Variants in CD74 observed in about 807,000 individuals in gnomAD.
CD74 encodes CD74 molecule.
In CD74, 20 loss-of-function variants were observed where a neutral mutation model predicts 37.1. The observed-to-expected ratio is 0.54, with a 90% CI of 0.38 to 0.78. The LOEUF is 0.78. Ranked by LOEUF, CD74 falls within the 30% of genes least tolerant of loss-of-function variation. CD74 has a pLI of 0.00. For synonymous variants in CD74, 150 were observed against 152.0 expected (o/e 0.99, Z 0.10); for missense variants, 338 against 389.5 (o/e 0.87, Z 1.11).
At chr5:150,409,704 C>CA (rs755621804) in intron 1 of CD74, among the ~76,000 whole-genome samples, 36,742 of 89,444 alleles carry the variant, frequency 0.41, 6,336 homozygotes, top group South Asian at 0.46. Flanking sequence ...AAAAACATAA[C>CA]AAAAAAAAAA....
chr5:150,406,094 A>C, intron 4 of CD74, 165 bp downstream of exon 4: 1 of 601,960 alleles, frequency 1.7e-6, no homozygotes, highest in Non-Finnish European at 3.0e-6. Context: ...TCAAAAATGC[A>C]GAGGCCAGAC....
At chr5:150,406,797 C>T in intron 3 of CD74, 84 bp downstream of exon 3, 3 of 965,584 alleles carry the variant, frequency 3.1e-6, no homozygotes, top group Non-Finnish European at 3.0e-6. Flanking sequence ...CAGGTGGGCT[C>T]TCTTCCCTGC....
chr5:150,410,446 T>A (rs753913708), intron 1 of CD74, among the ~76,000 whole-genome samples: 2 of 152,156 alleles, frequency 1.3e-5, no homozygotes, highest in Non-Finnish European at 2.9e-5. Flanking sequence ...CAAGGGCTGT[T>A]ACATTAAATA....
Position 150,407,294 on chromosome 5 carries a change from G to C in CD74, c.156C>G (p.Gly52=). The stretch of plus-strand genomic sequence containing the variant: ...GGAGCAGAGTCACCAGGATGGAAAA[G>C]CCTGTGTACAGGGCTCCGCGGCTGC... ...SKCSRGALYT[G]FSILVTLLLA... The change falls in exon 2 of 9, where the codon GGC becomes GGG. Residue 52 remains glycine, a synonymous_variant. Transcript: ENST00000009530. This position sits in a 1 kb window ranked among gnomAD's most constrained non-coding sequence, Gnocchi z 4.4. The C allele has an allele frequency of 6.2e-7, 1 of 1,612,240 alleles. No individual in the cohort carries two copies. The highest frequency in any genetic ancestry group is 8.5e-7 in the Non-Finnish European group (1 of 1,179,308).
chr5:150,404,878 C>A, intron 5 of CD74, 111 bp from the exon 6 acceptor site: 1 of 854,958 alleles, frequency 1.2e-6, no homozygotes, highest in African/African-American at 1.7e-5. Context: ...GGCCCCAACA[C>A]CCGGGTCCAG....
At chr5:150,404,869 GCC>G in intron 5 of CD74, 102 bp from the exon 6 acceptor site, 1 of 888,832 alleles carries the variant, frequency 1.1e-6, no homozygotes, top group Non-Finnish European at 1.8e-6. Context: ...GCCAAATAGG[GCC>G]CCAACACCCG....
intron 1 of CD74, 81 bp downstream of exon 1, chr5:150,412,544 C>T: frequency 4.7e-6 from 5 of 1,071,984 alleles, no homozygotes; most frequent in Non-Finnish European, 5.7e-6. Flanking sequence ...CCTGTGACTC[C>T]TGGCCGGTGC....
At chr5:150,406,025 C>A (rs1251581955) in intron 4 of CD74, 2 of 414,644 alleles carry the variant, frequency 4.8e-6, no homozygotes, top group Admixed American at 3.4e-5. Flanking sequence ...CCTGCCTAGG[C>A]CTCCCAAAGT....
Position 150,402,285 on chromosome 5 carries a change from ACCCATTTG to A in CD74, c.881-43_881-36del. 6.6e-7 allele frequency: 1 copy of A among 1,514,526 alleles called. No individual in the cohort carries two copies. The highest frequency in any genetic ancestry group is 1.2e-5 in the South Asian group (1 of 85,918). 93.8% of individuals were successfully genotyped at this position (1,514,526 alleles called of 1,614,324 possible). A position where few individuals can be genotyped will look rare whatever the true frequency, so the allele number is the denominator to read the frequency against. The stretch of plus-strand genomic sequence containing the variant: ...GAAGCAGCAGGTTGAGGTTGGGGTC[ACCCATTTG>A]TTGTCCCTGCCCCTTTCTAACATCC... On this transcript the variant is annotated intron_variant, in intron 8 of 8. Coordinates refer to ENST00000009530, the MANE Select transcript of CD74 (RefSeq NM_001025159.3). The surrounding 1 kb of genome is among the most constrained non-coding windows in gnomAD (Gnocchi z 4.2).
rs1420481881 is a variant in CD74 at position 150,403,368 on chromosome 5, C to G, written c.626-56G>C. On this transcript the variant is annotated intron_variant, in intron 6 of 8. Transcript: ENST00000009530. This position sits in a 1 kb window ranked among gnomAD's most constrained non-coding sequence, Gnocchi z 4.5. Reference sequence around the variant, plus strand: ...GAGTGAGTGAGCTCTGAACCAGGGTCTGAGCAGAGCTAAAGACCCACACAC... The same window carrying G: ...GAGTGAGTGAGCTCTGAACCAGGGTGTGAGCAGAGCTAAAGACCCACACAC... The G allele has an allele frequency of 4.7e-6, 7 of 1,493,774 alleles. No homozygotes were observed. In the East Asian group the frequency reaches 1.6e-4, roughly 34 times the overall value. The allele number at this position is 1,493,774 out of a possible 1,614,324, so 92.5% of individuals were successfully genotyped here. A position where few individuals can be genotyped will look rare whatever the true frequency, so the allele number is the denominator to read the frequency against.
intron 4 of CD74, chr5:150,405,537 C>A: frequency 1.8e-6 from 1 of 550,876 alleles, no homozygotes; most frequent in Non-Finnish European, 2.4e-6. Flanking sequence ...TCCTCTGCCT[C>A]TTTCTTCACA....
chr5:150,405,312 G>A, intron 4 of CD74, 132 bp from the exon 5 acceptor site: 1 of 1,388,780 alleles, frequency 7.2e-7, no homozygotes, highest in Non-Finnish European at 9.3e-7. Flanking sequence ...CTAAACCCTG[G>A]ACTTCAGCCA....
At chr5:150,412,380 G>C (rs1770394838) in intron 1 of CD74, among the ~76,000 whole-genome samples, 1 of 152,364 alleles carries the variant, frequency 6.6e-6, no homozygotes, top group South Asian at 2.1e-4. Context: ...CTTTTCAGAA[G>C]GAGGCGGTGT....
In CD74 at chr5:150,402,363, C is replaced by G; in HGVS notation, c.881-113G>C. On this transcript the variant is annotated intron_variant, in intron 8 of 8. Coordinates refer to ENST00000009530, the MANE Select transcript of CD74 (RefSeq NM_001025159.3). The surrounding 1 kb of genome is among the most constrained non-coding windows in gnomAD (Gnocchi z 4.2). ...AGGACTGTCCACCCTCCCCTGCCCC[C>G]TGCTCAGGTCCAATAATGACCATCA... 2.2e-6 allele frequency: 2 copies of G among 901,506 alleles called. No homozygotes were observed. The highest frequency in any genetic ancestry group is 3.6e-6 in the Non-Finnish European group (2 of 550,254). 55.8% of individuals were successfully genotyped at this position (901,506 alleles called of 1,614,324 possible). A position where few individuals can be genotyped will look rare whatever the true frequency, so the allele number is the denominator to read the frequency against.
intron 1 of CD74, among the ~76,000 whole-genome samples, chr5:150,410,084 A>G (rs1296447299): frequency 6.0e-5 from 7 of 116,406 alleles, no homozygotes; most frequent in Non-Finnish European, 7.2e-5. Flanking sequence ...GGCGGGGGGG[A>G]AGTGGGGAGA....
Position 150,407,383 on chromosome 5 carries a change from G to T in CD74, c.126-59C>A. The T allele has an allele frequency of 6.9e-7, 1 of 1,456,640 alleles. No individual in the cohort carries two copies. The highest frequency in any genetic ancestry group is 1.2e-5 in the South Asian group (1 of 80,976). The allele number at this position is 1,456,640 out of a possible 1,614,324, so 90.2% of individuals were successfully genotyped here. Reference sequence around the variant, plus strand: ...ATCCACAGTGGTGGCTGCCCCAAGGGCTGGCTAGGAATGGGGAAATGTATA... The same window carrying T: ...ATCCACAGTGGTGGCTGCCCCAAGGTCTGGCTAGGAATGGGGAAATGTATA... On this transcript the variant is annotated intron_variant, in intron 1 of 8. Coordinates refer to ENST00000009530, the MANE Select transcript of CD74 (RefSeq NM_001025159.3). The surrounding 1 kb of genome is among the most constrained non-coding windows in gnomAD (Gnocchi z 4.4).
chr5:150,405,754 A>T (rs1269947569), intron 4 of CD74: 2 of 156,184 alleles, frequency 1.3e-5, no homozygotes, highest in Non-Finnish European at 2.8e-5. Context: ...TTTGAGCCTC[A>T]GTTTCTTTTT....
Position 150,412,820 on chromosome 5 carries a change from G to T in CD74, c.-71C>A, listed in dbSNP as rs760098975. 1 of 1,598,814 alleles carries T rather than the reference G, an allele frequency of 6.3e-7. No homozygotes were observed. The highest frequency in any genetic ancestry group is 8.5e-7 in the Non-Finnish European group (1 of 1,172,580). On this transcript the variant is annotated 5_prime_UTR_variant, in exon 1 of 9. Coordinates refer to ENST00000009530, the MANE Select transcript of CD74 (RefSeq NM_001025159.3). ...GAGGAATCTGATTCGTCCACAGAAG[G>T]CCACTCCGCCCACTTGGTAGATGTG...
At position 150,403,327 on chromosome 5, in the gene CD74, A is replaced by G. The variant is rs1769755109; in HGVS notation, c.626-15T>C. ...CTTGGTCAGTACTGAAGCGACAGGCATGATGAGGACACAGTGAGTGAGTGA... is the reference window on the plus strand; with the variant it reads ...CTTGGTCAGTACTGAAGCGACAGGCGTGATGAGGACACAGTGAGTGAGTGA... On this transcript the variant is annotated splice_polypyrimidine_tract_variant and intron_variant, in intron 6 of 8. Transcript: ENST00000009530. This position sits in a 1 kb window ranked among gnomAD's most constrained non-coding sequence, Gnocchi z 4.5. 2 of 1,612,566 alleles carry G rather than the reference A, an allele frequency of 1.2e-6. No homozygotes were observed. The highest frequency in any genetic ancestry group is 2.2e-5 in the East Asian group (1 of 44,882).
Sources: gnomAD v4.1 joint callset for allele counts (sites outside exome capture counted in the v4.1 genomes callset) on GRCh38, gnomAD v4.1.1 for gene constraint, Gnocchi (gnomAD v3.1) non-coding constraint, MANE v1.5 for transcripts, NCBI Gene and HGNC (gene_info 2026-07-23, HGNC 2026-07-21) for gene names.